ZNF44: variants seen among roughly 807,000 people sequenced by gnomAD.
ZNF44 encodes zinc finger protein 44.
ZNF44 carries 9 observed loss-of-function variants against 11.7 expected under a neutral mutation model. That is an observed-to-expected ratio of 0.77 (90% CI 0.46 to 1.35). ZNF44 has a LOEUF of 1.35. ZNF44 is among the 40% of genes most tolerant of loss of function. The pLI, the probability that ZNF44 is intolerant of heterozygous loss-of-function variation, is 0.00. For missense variants in ZNF44, 696 were observed against 743.1 expected (o/e 0.94, Z 0.74); for synonymous variants, 224 against 242.7 (o/e 0.92, Z 0.72).
At chr19:12,282,832 A>G (rs1189611971) in intron 1 of ZNF44, among the ~76,000 whole-genome samples, 1 of 152,202 alleles carries the variant, frequency 6.6e-6, no homozygotes, top group Non-Finnish European at 1.5e-5. Context: ...GATTAACGTT[A>G]TCTACTAACA....
intron 1 of ZNF44, chr19:12,285,131 C>T (rs1363951773): frequency 3.2e-6 from 2 of 631,020 alleles, no homozygotes; most frequent in East Asian, 5.1e-5. Flanking sequence ...TCGTTAAGAC[C>T]CACACCAGAG....
chr19:12,293,402 G>A, intron 1 of ZNF44: 1 of 1,531,772 alleles, frequency 6.5e-7, no homozygotes, highest in Non-Finnish European at 8.7e-7. Flanking sequence ...GTGGGCTGAG[G>A]TCACATCACC....
At chr19:12,260,038 C>A in intron 5 of ZNF44, 1 of 486,028 alleles carries the variant, frequency 2.1e-6, no homozygotes, top group South Asian at 1.8e-5. Context: ...CACTCCCACT[C>A]TTTACATTTG....
In ZNF44 at chr19:12,273,332, G is replaced by T. The variant is rs753211268; in HGVS notation, c.923C>A (p.Pro308His). The change falls in exon 4 of 4, where the codon CCC becomes CAC. Residue 308 changes from proline (P) to histidine (H), a missense_variant. Coordinates refer to ENST00000355684, the MANE Select transcript of ZNF44 (RefSeq NM_016264.4). ...VHERIHTGEK[P>H]YTCKQCGKAF... ...TTTCCCACACTGTTTACATGTATAG[G>T]GTTTCTCTCCAGTGTGAATTCTTTC... 3.4e-5 allele frequency: 55 copies of T among 1,613,724 alleles called. No homozygotes were observed. Among genetic ancestry groups the T allele is most frequent in the Admixed American group, 1.3e-4 (8 of 59,982 alleles).
At chr19:12,227,194 C>G (rs1915957757) in intron 3 of ZNF44, among the ~76,000 whole-genome samples, 1 of 152,214 alleles carries the variant, frequency 6.6e-6, no homozygotes, top group Non-Finnish European at 1.5e-5. Context: ...TGTGATATCA[C>G]AATTTTCAGA....
At chr19:12,267,169 T>C (rs1917768283), downstream of ZNF44, among the ~76,000 whole-genome samples, 2 of 151,604 alleles carry the variant, frequency 1.3e-5, no homozygotes, top group African/African-American at 4.9e-5. Flanking sequence ...CTCAGCCTCC[T>C]GAGTAGCTGA....
chr19:12,272,311 T>C lies in ZNF44; in HGVS notation c.*96A>G. 1 of 1,410,618 alleles carries C rather than the reference T, an allele frequency of 7.1e-7. No individual in the cohort carries two copies. Among genetic ancestry groups the C allele is most frequent in the Non-Finnish European group, 9.2e-7 (1 of 1,084,838 alleles). 87.4% of individuals were successfully genotyped at this position (1,410,618 alleles called of 1,614,324 possible). On this transcript the variant is annotated 3_prime_UTR_variant, in exon 4 of 4. Coordinates refer to ENST00000355684, the MANE Select transcript of ZNF44 (RefSeq NM_016264.4). ...AGCCGCTGCGCCCAGCCTGGAAACT[T>C]CTTAAGGCTTTACCACGTTTACATT... is the stretch of plus-strand genomic sequence containing the variant.
chr19:12,270,387 A>G (rs757699076), downstream of ZNF44, among the ~76,000 whole-genome samples: 1 of 151,924 alleles, frequency 6.6e-6, no homozygotes, highest in Non-Finnish European at 1.5e-5. Flanking sequence ...TAACACTGTT[A>G]TCGCTGCCAC....
At chr19:12,291,479 T>C (rs1187663090) in intron 1 of ZNF44, among the ~76,000 whole-genome samples, 1 of 151,944 alleles carries the variant, frequency 6.6e-6, no homozygotes, top group East Asian at 1.9e-4. Context: ...TAAAAGTAAA[T>C]AAAAGTTTTT....
At chr19:12,247,883 CCT>C in exon 8 of ZNF44, 2 of 1,320,960 alleles carry the variant, frequency 1.5e-6, no homozygotes, top group Non-Finnish European at 2.0e-6. Context: ...CAGTGTGATT[CCT>C]CTCATGTTTT....
In ZNF44 at chr19:12,275,954, A is replaced by AC; in HGVS notation, c.130+1dup. On this transcript the variant is annotated splice_donor_variant, in intron 2 of 3. Coordinates refer to ENST00000355684, the MANE Select transcript of ZNF44 (RefSeq NM_016264.4). LOFTEE classifies it high-confidence loss of function. The stretch of plus-strand genomic sequence containing the variant: ...CAAATGAAGACATGATGTCATCCAT[A>AC]CCTATACAGTTCAGGTTCCTAATGG... The AC allele has an allele frequency of 6.2e-7, 1 of 1,600,494 alleles. No individual in the cohort carries two copies. Among genetic ancestry groups the AC allele is most frequent in the Non-Finnish European group, 8.5e-7 (1 of 1,171,164 alleles).
At chr19:12,229,134 T>C (rs1207380414) in intron 3 of ZNF44, among the ~76,000 whole-genome samples, 1 of 152,240 alleles carries the variant, frequency 6.6e-6, no homozygotes, top group East Asian at 1.9e-4. Flanking sequence ...GTTCCTTTAA[T>C]AGACATTGCA....
intron 2 of ZNF44, among the ~76,000 whole-genome samples, chr19:12,233,989 G>A (rs980897985): frequency 6.6e-6 from 1 of 151,704 alleles, no homozygotes. Flanking sequence ...TTGAACCCAA[G>A]AGGCGGAGGT....
In ZNF44 at chr19:12,272,715, T is replaced by A; in HGVS notation, c.1540A>T (p.Ser514Cys). 6.2e-7 allele frequency: 1 copy of A among 1,613,702 alleles called. No homozygotes were observed. The highest frequency in any genetic ancestry group is 8.5e-7 in the Non-Finnish European group (1 of 1,179,650). ...YECQICGKAFSRFSYLKTHER... is the reference protein window; with the variant it reads ...YECQICGKAFCRFSYLKTHER... ...TGAGTTTTTAAGTAACTGAAACGAC[T>A]GAAGGCTTTGCCACAAATTTGACAC... is the stretch of plus-strand genomic sequence containing the variant. Residue 514 changes from serine to cysteine, a missense_variant, in exon 4 of 4, where the codon AGT becomes TGT. Ser to Cys is a moderately radical substitution (Grantham distance 112). Transcript: ENST00000355684.
intron 1 of ZNF44, among the ~76,000 whole-genome samples, chr19:12,287,909 G>T (rs539359651): frequency 1.1e-4 from 17 of 152,322 alleles, no homozygotes; most frequent in Non-Finnish European, 2.1e-4. Context: ...GCAAAATTAT[G>T]CTTATGGGTG....
chr19:12,248,578 AAGG>A (rs1916852097), exon 8 of ZNF44: 1 of 1,292,928 alleles, frequency 7.7e-7, no homozygotes, highest in Admixed American at 2.3e-5. Context: ...TTTCCTCCAG[AAGG>A]AGTTTTCTTG....
At chr19:12,271,067 ATGC>A (rs1380591049), downstream of ZNF44, among the ~76,000 whole-genome samples, 2 of 151,408 alleles carry the variant, frequency 1.3e-5, no homozygotes, top group Admixed American at 6.6e-5. Context: ...GATGATGATG[ATGC>A]TGCTGATGAT....
intron 1 of ZNF44, among the ~76,000 whole-genome samples, chr19:12,291,567 G>A (rs1366083860): frequency 6.6e-5 from 10 of 151,556 alleles, no homozygotes; most frequent in Non-Finnish European, 1.0e-4. Context: ...GTGTGGTGGC[G>A]CACGCCTGTA....
chr19:12,259,909 G>A (rs1917428583), intron 5 of ZNF44, among the ~76,000 whole-genome samples: 1 of 152,154 alleles, frequency 6.6e-6, no homozygotes, highest in South Asian at 2.1e-4. Context: ...TGTGGACTCA[G>A]TCCATCATCT....
Sources: gnomAD v4.1 joint callset for allele counts (sites outside exome capture counted in the v4.1 genomes callset) on GRCh38, gnomAD v4.1.1 for gene constraint, MANE v1.5 for transcripts, NCBI Gene and HGNC (gene_info 2026-07-23, HGNC 2026-07-21) for gene names.